The following PTPRN2 variants were observed in gnomAD, a reference collection of about 807,000 sequenced individuals.
The protein encoded by PTPRN2 is protein tyrosine phosphatase receptor type N2.
PTPRN2 carries 74 observed loss-of-function variants against 118.8 expected under a neutral mutation model. The observed-to-expected ratio is 0.62, with a 90% confidence interval of 0.52 to 0.76. PTPRN2 has a LOEUF of 0.76. Among genes scored for constraint, PTPRN2 ranks in the 30% least tolerant of loss-of-function variants. The pLI, the probability that PTPRN2 is intolerant of heterozygous loss-of-function variation, is 0.00. For missense variants in PTPRN2, 1,481 were observed against 1,394.4 expected (o/e 1.06, Z -0.99); for synonymous variants, 641 against 608.0 (o/e 1.05, Z -0.80).
At chr7:158,362,888 T>A (rs893790853) in intron 2 of PTPRN2, among the ~76,000 whole-genome samples, 1 of 152,108 alleles carries the variant, frequency 6.6e-6, no homozygotes, top group Non-Finnish European at 1.5e-5. Context: ...TCAGTCACCG[T>A]CCCTCTGGGG....
chr7:158,108,454 C>G (rs1314082970), intron 10 of PTPRN2, among the ~76,000 whole-genome samples: 1 of 152,170 alleles, frequency 6.6e-6, no homozygotes, highest in Non-Finnish European at 1.5e-5. Context: ...GCTGAGCAGT[C>G]CTACCTGGCC....
Position 157,991,837 on chromosome 7 carries a change from C to T in PTPRN2, c.1723+89461G>A, listed in dbSNP as rs12668025. On this transcript the variant is annotated intron_variant, in intron 11 of 22. Transcript: ENST00000389418. ...TGCACCCAAGGCTGGGGACCCAGGA[C>T]GAGGCCAAGGGCACCTAAGCGCTGA... Among the ~76,000 whole-genome samples the T allele has an allele frequency of 1.3e-3, 190 of 151,696 alleles. 3 individuals carry two copies. In the East Asian group the frequency reaches 0.021, roughly 17 times the overall value.
chr7:157,878,339 A>C (rs376308011), intron 12 of PTPRN2, among the ~76,000 whole-genome samples: 36 of 135,018 alleles, frequency 2.7e-4, no homozygotes, highest in African/African-American at 5.2e-4. Flanking sequence ...TGGGGCTGGA[A>C]GGGTCAGTGT....
chr7:158,096,900 G>C (rs1203775107), intron 10 of PTPRN2, among the ~76,000 whole-genome samples: 1 of 152,192 alleles, frequency 6.6e-6, no homozygotes, highest in Non-Finnish European at 1.5e-5. Context: ...CTCACTGCGG[G>C]GGCTCTTGGC....
chr7:157,987,019 G>A lies in PTPRN2; in HGVS notation c.1724-88282C>T, dbSNP rs1803849029. On this transcript the variant is annotated intron_variant, in intron 11 of 22. Transcript: ENST00000389418. The surrounding 1 kb of genome is among the most constrained non-coding windows in gnomAD (Gnocchi z 4.3). The stretch of plus-strand genomic sequence containing the variant: ...GGAGAACCCCGCTTTAGGATATAAC[G>A]GGTTCATGCACTGGAGTAGCTGCCG... Among the ~76,000 whole-genome samples, 1 of 152,142 alleles carries A rather than the reference G, an allele frequency of 6.6e-6. No homozygotes were observed. The highest frequency in any genetic ancestry group is 2.1e-4 in the South Asian group (1 of 4,826).
intron 11 of PTPRN2, among the ~76,000 whole-genome samples, chr7:157,980,701 C>T (rs1050765258): frequency 3.9e-5 from 6 of 152,060 alleles, no homozygotes; most frequent in South Asian, 4.1e-4. Flanking sequence ...GCAAGTGAGC[C>T]GAGATCATGC....
intron 3 of PTPRN2, among the ~76,000 whole-genome samples, chr7:158,283,929 GC>G (rs1234342103): frequency 6.6e-6 from 1 of 152,326 alleles, no homozygotes; most frequent in African/African-American, 2.4e-5. Context: ...CAGCGTAGGA[GC>G]CTTTTCCTCA....
chr7:158,359,749 G>C (rs1291660793), intron 2 of PTPRN2, among the ~76,000 whole-genome samples: 3 of 152,180 alleles, frequency 2.0e-5, no homozygotes, highest in Non-Finnish European at 2.9e-5. Context: ...GATAATGAAA[G>C]CAATTTATTT....
intron 3 of PTPRN2, among the ~76,000 whole-genome samples, chr7:158,279,760 C>A (rs1799285588): frequency 6.6e-6 from 1 of 152,238 alleles, no homozygotes; most frequent in South Asian, 2.1e-4. Flanking sequence ...CCGGCCTCAG[C>A]AAGCCCCAGA....
Position 158,197,573 on chromosome 7 carries a change from T to C in PTPRN2, c.381-5078A>G, listed in dbSNP as rs371020427. On this transcript the variant is annotated intron_variant, in intron 4 of 22. Transcript: ENST00000389418. ...TCTAGTGCCTTTTTGTATTACTTTG[T>C]TCCCACACTGCTCATAAAGATATAC... Among the ~76,000 whole-genome samples, 3 of 152,342 alleles carry C rather than the reference T, an allele frequency of 2.0e-5. 1 individual carries two copies.
intron 3 of PTPRN2, among the ~76,000 whole-genome samples, chr7:158,273,677 G>A (rs1456518499): frequency 6.4e-5 from 8 of 125,920 alleles, no homozygotes; most frequent in Non-Finnish European, 8.4e-5. Context: ...GGGAGGAGCC[G>A]CAGACACAGG....
intron 10 of PTPRN2, among the ~76,000 whole-genome samples, chr7:158,087,609 A>AC (rs1339669325): frequency 6.6e-6 from 1 of 152,170 alleles, no homozygotes; most frequent in Non-Finnish European, 1.5e-5. Flanking sequence ...GTCTTCACAC[A>AC]AACCTTCCTC....
At chr7:158,141,587 C>A (rs1287624414) in intron 6 of PTPRN2, among the ~76,000 whole-genome samples, 2 of 152,186 alleles carry the variant, frequency 1.3e-5, no homozygotes, top group Admixed American at 1.3e-4. Flanking sequence ...GAAGCTGGTT[C>A]TTCAGGGGGC....
At chr7:158,175,512 G>A (rs1476644550) in intron 5 of PTPRN2, among the ~76,000 whole-genome samples, 1 of 152,178 alleles carries the variant, frequency 6.6e-6, no homozygotes, top group Non-Finnish European at 1.5e-5. Flanking sequence ...ACAGTAGAAA[G>A]TGTCAGTGTT....
At chr7:158,135,001 G>A (rs1818683594) in intron 8 of PTPRN2, among the ~76,000 whole-genome samples, 1 of 152,094 alleles carries the variant, frequency 6.6e-6, no homozygotes, top group African/African-American at 2.4e-5. Flanking sequence ...GCCCTCCCAG[G>A]CACCCTACAC....
At chr7:158,075,855 G>A (rs886512584) in intron 11 of PTPRN2, among the ~76,000 whole-genome samples, 1 of 152,232 alleles carries the variant, frequency 6.6e-6, no homozygotes, top group African/African-American at 2.4e-5. Context: ...CCCCCAGCCT[G>A]CGTTGATCCT....
At position 157,733,092 on chromosome 7, in the gene PTPRN2, T is replaced by G. The variant is rs544028257; in HGVS notation, c.1789-50155A>C. On this transcript the variant is annotated intron_variant, in intron 12 of 22. Transcript: ENST00000389418. The stretch of plus-strand genomic sequence containing the variant: ...CCAGCACAGTTACTCTTCCGTCCCA[T>G]GCGCCCAGCACAGTTACTCTTTCCC... Among the ~76,000 whole-genome samples, 28 of 23,316 alleles carry G rather than the reference T, an allele frequency of 1.2e-3. 3 individuals are homozygous for G. Among genetic ancestry groups the G allele is most frequent in the African/African-American group, 4.2e-3 (17 of 4,030 alleles). 15.3% of individuals were successfully genotyped at this position (23,316 alleles called of 152,430 possible).
At chr7:158,209,451 CAAAG>C (rs1336403003) in intron 3 of PTPRN2, among the ~76,000 whole-genome samples, 17 of 152,018 alleles carry the variant, frequency 1.1e-4, no homozygotes, top group Admixed American at 2.6e-4. Context: ...GCAAAAGAGA[CAAAG>C]AAGGTCATAA....
chr7:158,331,736 A>C (rs1804497053), intron 2 of PTPRN2, among the ~76,000 whole-genome samples: 1 of 150,294 alleles, frequency 6.7e-6, no homozygotes. Context: ...AAGAGCTGAC[A>C]CCTGCAGACG....
Sources: gnomAD v4.1 joint callset for allele counts (sites outside exome capture counted in the v4.1 genomes callset) on GRCh38, gnomAD v4.1.1 for gene constraint, Gnocchi (gnomAD v3.1) non-coding constraint, MANE v1.5 for transcripts, NCBI Gene and HGNC (gene_info 2026-07-23, HGNC 2026-07-21) for gene names.